Variants in COL17A1 observed in about 807,000 individuals in gnomAD.
COL17A1 encodes the protein collagen type XVII alpha 1 chain, also known as collagen alpha-1(XVII) chain.
Under a neutral mutation model 218.4 loss-of-function variants are expected in COL17A1, and 181 were observed. That is an observed-to-expected ratio of 0.83 (90% confidence interval 0.73 to 0.94). COL17A1 has a LOEUF of 0.94. Among genes scored for constraint, COL17A1 ranks in the 40% least tolerant of loss-of-function variants. The probability of loss-of-function intolerance (pLI) is 0.00; values close to 1 mark genes in which losing one functional copy is unlikely to be tolerated. For missense variants in COL17A1, 1,924 were observed against 1,945.9 expected, an observed-to-expected ratio of 0.99 and a Z score of 0.21; for synonymous variants, 721 against 731.0, an observed-to-expected ratio of 0.99 and a Z score of 0.22.
Position 104,045,757 on chromosome 10 carries a change from C to A in COL17A1, c.2398+1G>T. ...GAAATCTCATTTGGAAATTCACTTA[C>A]CTTTTATTCCTGGTCGGCCAGGGGT... On this transcript the variant is annotated splice_donor_variant, in intron 33 of 55. Transcript: ENST00000648076. LOFTEE classifies it high-confidence loss of function. The A allele has an allele frequency of 6.2e-7, 1 of 1,610,582 alleles. No homozygotes were observed.
chr10:104,034,566 G>A lies in COL17A1; in HGVS notation c.3766+55C>T. On this transcript the variant is annotated intron_variant, in intron 51 of 55. Coordinates refer to ENST00000648076, the MANE Select transcript of COL17A1 (RefSeq NM_000494.4). ...TAAGTGCCTCCCTGCCCCACTTACA[G>A]GGAAAAGCAAGGCCTGCGGGGTGCC... 1.9e-6 allele frequency: 3 copies of A among 1,586,238 alleles called. No individual in the cohort carries two copies. In the South Asian group the frequency reaches 3.5e-5, roughly 18 times the overall value.
At position 104,032,304 on chromosome 10, in the gene COL17A1, G is replaced by T. The variant is rs1465809400; in HGVS notation, c.4439-14C>A. 3.1e-6 allele frequency: 5 copies of T among 1,612,230 alleles called. No homozygotes were observed. In the African/African-American group the frequency reaches 4.0e-5, roughly 13 times the overall value. On this transcript the variant is annotated splice_polypyrimidine_tract_variant and intron_variant, in intron 55 of 55. Coordinates refer to ENST00000648076, the MANE Select transcript of COL17A1 (RefSeq NM_000494.4). Reference sequence around the variant, plus strand: ...AGACTTGGTCACCTGAAAGTTAGAAGATCAGTAGGAAGTTAAAACATATCT... The same window carrying T: ...AGACTTGGTCACCTGAAAGTTAGAATATCAGTAGGAAGTTAAAACATATCT...
chr10:104,064,864 C>T (rs531392736), intron 9 of COL17A1, among the ~76,000 whole-genome samples: 23 of 152,316 alleles, frequency 1.5e-4, no homozygotes, highest in African/African-American at 5.3e-4. Context: ...ACAATTTCTC[C>T]TTCTAAACCT....
At position 104,037,029 on chromosome 10, in the gene COL17A1, C is replaced by T. The variant is rs752971345; in HGVS notation, c.3277+16G>A. ...CAAAGATAGTCCCACCCTCGATCCCCCCACAGGTGACTCACGCTGCAGCAC... is the reference window on the plus strand; with the variant it reads ...CAAAGATAGTCCCACCCTCGATCCCTCCACAGGTGACTCACGCTGCAGCAC... On this transcript the variant is annotated intron_variant, in intron 47 of 55. Coordinates refer to ENST00000648076, the MANE Select transcript of COL17A1 (RefSeq NM_000494.4). The T allele has an allele frequency of 1.3e-6, 2 of 1,598,630 alleles. No homozygotes were observed. The highest frequency in any genetic ancestry group is 1.7e-5 in the Admixed American group (1 of 58,232).
chr10:104,036,090 GT>G (rs2086290435), intron 48 of COL17A1, among the ~76,000 whole-genome samples: 2 of 2,298 alleles, frequency 8.7e-4, no homozygotes, highest in Admixed American at 7.7e-3. Flanking sequence ...GTGTATGGGA[GT>G]GTGTGTGTAT....
intron 55 of COL17A1, 95 bp from the exon 56 acceptor site, chr10:104,032,385 G>T (rs889648675): frequency 2.8e-6 from 3 of 1,063,342 alleles, no homozygotes; most frequent in Non-Finnish European, 4.4e-6. Flanking sequence ...CTACTGCAAA[G>T]ATGGCTTCAA....
chr10:104,038,256 A>T, intron 45 of COL17A1, 150 bp downstream of exon 45: 1 of 841,714 alleles, frequency 1.2e-6, no homozygotes, highest in Non-Finnish European at 2.0e-6. Context: ...ACACACACAC[A>T]CACACACACA....
intron 9 of COL17A1, among the ~76,000 whole-genome samples, 159 bp downstream of exon 9, chr10:104,070,267 G>A (rs1039157632): frequency 1.3e-5 from 2 of 152,238 alleles, no homozygotes; most frequent in African/African-American, 4.8e-5. Flanking sequence ...AAAACAGGTT[G>A]CTATTAGGGA....
In COL17A1 at chr10:104,032,197, A is replaced by T. The variant is rs1412874505; in HGVS notation, c.*38T>A. 1 of 1,580,332 alleles carries T rather than the reference A, an allele frequency of 6.3e-7. No homozygotes were observed. On this transcript the variant is annotated 3_prime_UTR_variant, in exon 56 of 56. Coordinates refer to ENST00000648076, the MANE Select transcript of COL17A1 (RefSeq NM_000494.4). ...CTTGGACCTAAGTGCCACATGCATT[A>T]TGAGACCTGGTCCAGGAGCTGTCCT...
Position 104,033,318 on chromosome 10 carries a change from C to T in COL17A1, c.4214G>A (p.Gly1405Glu). ...GCTGATGCCGGGTGGCCCCTGTGGC[C>T]CAGGCTGGCCTGGTGGGCCCTGGAC... is the stretch of plus-strand genomic sequence containing the variant. The part of the protein sequence containing the change: ...YTVQGPPGQP[G>E]PQGPPGISKV... The change falls in exon 53 of 56, where the codon GGG becomes GAG. Residue 1405 changes from glycine (G) to glutamate (E), a missense_variant. Physicochemically the swap from Gly to Glu is moderately conservative, Grantham distance 98. Coordinates refer to ENST00000648076, the MANE Select transcript of COL17A1 (RefSeq NM_000494.4). The T allele has an allele frequency of 1.2e-6, 2 of 1,607,836 alleles. No individual in the cohort carries two copies. The highest frequency in any genetic ancestry group is 2.2e-5 in the South Asian group (2 of 89,514).
Position 104,037,748 on chromosome 10 carries a change from G to A in COL17A1, c.3096C>T (p.Ser1032=), listed in dbSNP as rs745409427. The A allele has an allele frequency of 1.9e-5, 31 of 1,613,954 alleles. No individual in the cohort carries two copies. The Admixed American group carries it at 2.8e-4, about 15-fold the overall frequency. The change falls in exon 46 of 56, where the codon TCC becomes TCT. Residue 1032 remains serine (S), a synonymous_variant. Coordinates refer to ENST00000648076, the MANE Select transcript of COL17A1 (RefSeq NM_000494.4). ...MQSDSIRSYL[S]GVQGPPGPPG... is the part of the protein sequence containing the mutation. ...GTGGGCCTGGGGGACCCTGAACTCC[G>A]GATAGGTAAGATCTAATACTGTCAC...
chr10:104,063,533 C>T (rs190945206), intron 11 of COL17A1: 68 of 683,714 alleles, frequency 9.9e-5, no homozygotes, highest in African/African-American at 6.7e-4. Flanking sequence ...CCTTAGAATA[C>T]GCACGTCAAT....
Position 104,050,868 on chromosome 10 carries a change from A to G in COL17A1, c.2072T>C (p.Val691Ala), listed in dbSNP as rs1206764202. 1.9e-6 allele frequency: 3 copies of G among 1,614,028 alleles called. No homozygotes were observed. The highest frequency in any genetic ancestry group is 2.5e-6 in the Non-Finnish European group (3 of 1,179,992). Residue 691 changes from valine to alanine, a missense_variant, in exon 26 of 56, where the codon GTA becomes GCA. Physicochemically the swap from Val to Ala is moderately conservative, Grantham distance 64. Coordinates refer to ENST00000648076, the MANE Select transcript of COL17A1 (RefSeq NM_000494.4). ...PVGLQGLRGEVGLPGVKGDKG... is the reference protein window; with the variant it reads ...PVGLQGLRGEAGLPGVKGDKG... ...CTTACCTTTGACACCAGGAAGTCCTACTTCACCTCGGAGCCCTTGGAGACC... is the reference window on the plus strand; with the variant it reads ...CTTACCTTTGACACCAGGAAGTCCTGCTTCACCTCGGAGCCCTTGGAGACC...
intron 12 of COL17A1, 148 bp downstream of exon 12, chr10:104,062,110 T>G: frequency 8.2e-7 from 1 of 1,215,152 alleles, no homozygotes; most frequent in Non-Finnish European, 1.2e-6. Flanking sequence ...AGCCAGTTAA[T>G]GATCAAGATT....
intron 1 of COL17A1, among the ~76,000 whole-genome samples, chr10:104,083,939 CA>C (rs1375258473): frequency 2.0e-5 from 3 of 152,170 alleles, no homozygotes; most frequent in Non-Finnish European, 4.4e-5. Context: ...AAAACAACAA[CA>C]AAATTGCCAA....
At position 104,050,858 on chromosome 10, in the gene COL17A1, AG is replaced by A; in HGVS notation, c.2081del (p.Pro694LeufsTer33). 6.2e-7 allele frequency: 1 copy of A among 1,614,118 alleles called. No individual in the cohort carries two copies. The highest frequency in any genetic ancestry group is 8.5e-7 in the Non-Finnish European group (1 of 1,180,020). On this transcript the variant is annotated frameshift_variant, in exon 26 of 56. Transcript: ENST00000648076. LOFTEE classifies it high-confidence loss of function. ...CTCCCTCCAGCTTACCTTTGACACC[AG>A]GAAGTCCTACTTCACCTCGGAGCCC... ...LQGLRGEVGL[P>X]GVKGDKGPMG...
chr10:104,055,529 A>C (rs1269130484), intron 18 of COL17A1, 128 bp from the exon 19 acceptor site: 3 of 1,444,666 alleles, frequency 2.1e-6, no homozygotes, highest in African/African-American at 2.8e-5. Context: ...CAAAGACTAG[A>C]GATCAGATTC....
intron 9 of COL17A1, among the ~76,000 whole-genome samples, chr10:104,067,265 C>T (rs11191913): frequency 6.9e-6 from 1 of 144,228 alleles, no homozygotes. Flanking sequence ...CACAGAATGT[C>T]TCAAAAGCAT....
intron 13 of COL17A1, 106 bp from the exon 14 acceptor site, chr10:104,060,386 T>C: frequency 7.5e-6 from 10 of 1,326,296 alleles, no homozygotes; most frequent in Non-Finnish European, 1.1e-5. Flanking sequence ...AGGAGGGAGG[T>C]AAATTAGCAG....
Sources: allele counts gnomAD v4.1 joint callset (sites outside exome capture counted in the v4.1 genomes callset), GRCh38; gene constraint gnomAD v4.1.1; transcripts MANE v1.5; gene names NCBI Gene and HGNC (gene_info 2026-07-23, HGNC 2026-07-21).